Variants in NCS1 observed in about 807,000 individuals in gnomAD.
NCS1 encodes the protein frequenin homolog.
A neutral mutation model predicts 28.4 loss-of-function variants in NCS1; 6 were observed. The observed-to-expected ratio is 0.21, with a 90% confidence interval of 0.12 to 0.42. The LOEUF is 0.42. Ranked by LOEUF, NCS1 falls within the 10% of genes least tolerant of loss-of-function variation. NCS1 has a pLI of 1.00. For synonymous variants in NCS1, 86 were observed against 99.3 expected (o/e 0.87, Z 0.79); for missense variants, 131 against 241.4 (o/e 0.54, Z 3.03).
Position 130,186,880 on chromosome 9 carries a change from G to A in NCS1, c.65-14078G>A, listed in dbSNP as rs1832745308. Among the ~76,000 whole-genome samples the A allele has an allele frequency of 1.3e-5, 2 of 152,228 alleles. No individual in the cohort carries two copies. Among genetic ancestry groups the A allele is most frequent in the South Asian group, 4.1e-4 (2 of 4,834 alleles). On this transcript the variant is annotated intron_variant, in intron 1 of 7. Coordinates refer to ENST00000372398, the MANE Select transcript of NCS1 (RefSeq NM_014286.4). This position sits in a 1 kb window ranked among gnomAD's most constrained non-coding sequence, Gnocchi z 4.1. Reference sequence around the variant, plus strand: ...GGAGGGCCCGTGCTGTGCTCAGCCTGGCTCCAAGCACGAGGGGCACTGACG... The same window carrying A: ...GGAGGGCCCGTGCTGTGCTCAGCCTAGCTCCAAGCACGAGGGGCACTGACG...
chr9:130,224,037 G>C (rs900859703), intron 6 of NCS1, among the ~76,000 whole-genome samples: 2 of 151,496 alleles, frequency 1.3e-5, no homozygotes, highest in Non-Finnish European at 2.9e-5. Context: ...TAGTAGAGAC[G>C]GGATTTCACC....
At position 130,233,147 on chromosome 9, in the gene NCS1, C is replaced by T. The variant is rs1382039943; in HGVS notation, c.*175C>T. Reference sequence around the variant, plus strand: ...TCCTCTCCCCTGTCCTGCACCCATCCCCCGCCTGAAGCCACCGGCTCCAAT... The same window carrying T: ...TCCTCTCCCCTGTCCTGCACCCATCTCCCGCCTGAAGCCACCGGCTCCAAT... On this transcript the variant is annotated 3_prime_UTR_variant, in exon 8 of 8. Coordinates refer to ENST00000372398, the MANE Select transcript of NCS1 (RefSeq NM_014286.4). The surrounding 1 kb of genome is among the most constrained non-coding windows in gnomAD (Gnocchi z 4.8). 1 of 152,768 alleles carries T rather than the reference C, an allele frequency of 6.5e-6. No individual in the cohort carries two copies. The highest frequency in any genetic ancestry group is 1.5e-5 in the Non-Finnish European group (1 of 68,262). The allele number at this position is 152,768 out of a possible 1,614,324, so 9.5% of individuals were successfully genotyped here. A position where few individuals can be genotyped will look rare whatever the true frequency, so the allele number is the denominator to read the frequency against.
At chr9:130,227,729 A>G (rs1407014817) in intron 7 of NCS1, among the ~76,000 whole-genome samples, 2 of 152,332 alleles carry the variant, frequency 1.3e-5, no homozygotes, top group East Asian at 3.9e-4. Flanking sequence ...TTAGTTATCC[A>G]TTGCTACATA....
At position 130,236,245 on chromosome 9, in the gene NCS1, C is replaced by G. The variant is rs1554913054; in HGVS notation, c.*3273C>G. ...TCTGGAAAAAGCCTCCATTGCCCAC[C>G]CGCCAGGCGGAAAGTCACCCTGTTC... is the stretch of plus-strand genomic sequence containing the variant. On this transcript the variant is annotated 3_prime_UTR_variant, in exon 8 of 8. Transcript: ENST00000372398. 6.6e-6 allele frequency: 1 copy of G among 152,184 alleles called. No individual in the cohort carries two copies. Among genetic ancestry groups the G allele is most frequent in the African/African-American group, 2.4e-5 (1 of 41,420 alleles). 9.4% of individuals were successfully genotyped at this position (152,184 alleles called of 1,614,324 possible).
chr9:130,230,859 C>T (rs1022980164), intron 7 of NCS1, among the ~76,000 whole-genome samples: 1 of 147,538 alleles, frequency 6.8e-6, no homozygotes, highest in Non-Finnish European at 1.5e-5. Context: ...ATACTTAATC[C>T]ATTTCAAAAT....
At chr9:130,184,088 G>C (rs1043226400) in intron 1 of NCS1, among the ~76,000 whole-genome samples, 5 of 152,110 alleles carry the variant, frequency 3.3e-5, no homozygotes, top group Non-Finnish European at 7.4e-5. Context: ...GGGATTACAG[G>C]TGTGAGCCAC....
At position 130,236,286 on chromosome 9, in the gene NCS1, C is replaced by G. The variant is rs1168534348; in HGVS notation, c.*3314C>G. 1 of 152,152 alleles carries G rather than the reference C, an allele frequency of 6.6e-6. No individual in the cohort carries two copies. Among genetic ancestry groups the G allele is most frequent in the Non-Finnish European group, 1.5e-5 (1 of 68,040 alleles). The allele number at this position is 152,152 out of a possible 1,614,324, so 9.4% of individuals were successfully genotyped here. On this transcript the variant is annotated 3_prime_UTR_variant, in exon 8 of 8. Coordinates refer to ENST00000372398, the MANE Select transcript of NCS1 (RefSeq NM_014286.4). The stretch of plus-strand genomic sequence containing the variant: ...CACCCTGTTCCCAGCGCGGTTTCAG[C>G]ATTTAATTTTAAGGGAGCTAAGGAA...
chr9:130,221,401 TATATATATATATAGAGAGAGAGAG>T (rs1263446571), intron 4 of NCS1, among the ~76,000 whole-genome samples: 30 of 45,066 alleles, frequency 6.7e-4, no homozygotes, highest in East Asian at 2.0e-3. Context: ...TATATATATA[TATATATATATATAGAGAGAGAGAG>T]AGAGAGAGAG....
chr9:130,172,774 C>CCCACCG (rs781934389), intron 1 of NCS1, 47 bp downstream of exon 1: 1 of 1,047,080 alleles, frequency 9.6e-7, no homozygotes, highest in South Asian at 2.0e-5. Context: ...CACCCCCACA[C>CCCACCG]CCACCGCCCC....
At chr9:130,211,650 C>G (rs944267334) in intron 2 of NCS1, among the ~76,000 whole-genome samples, 3 of 152,046 alleles carry the variant, frequency 2.0e-5, no homozygotes, top group African/African-American at 7.2e-5. Flanking sequence ...GTACCGAGCA[C>G]AGAGGCAGCT....
chr9:130,207,092 C>T (rs1459283006), intron 2 of NCS1, among the ~76,000 whole-genome samples: 1 of 152,228 alleles, frequency 6.6e-6, no homozygotes, highest in African/African-American at 2.4e-5. Flanking sequence ...CTCCCCCAGA[C>T]AGCAGATCCT....
chr9:130,203,136 A>ATATATATTTTT (rs1471670630), intron 2 of NCS1, among the ~76,000 whole-genome samples: 1 of 108,456 alleles, frequency 9.2e-6, no homozygotes, highest in African/African-American at 3.5e-5. Context: ...ATATATATAT[A>ATATATATTTTT]TTTTTTTTTT....
At chr9:130,214,660 G>C (rs571706608) in intron 2 of NCS1, among the ~76,000 whole-genome samples, 6 of 152,332 alleles carry the variant, frequency 3.9e-5, no homozygotes, top group Non-Finnish European at 5.9e-5. Context: ...GGAGGGGCCA[G>C]GGGACAGGTC....
chr9:130,212,683 A>T, intron 2 of NCS1, among the ~76,000 whole-genome samples: 1 of 150,468 alleles, frequency 6.6e-6, no homozygotes, highest in South Asian at 2.1e-4. Context: ...GCAGGAGGGG[A>T]GGGAGGAGGT....
Position 130,186,171 on chromosome 9 carries a change from G to A in NCS1, c.64+13444G>A, listed in dbSNP as rs532303694. On this transcript the variant is annotated intron_variant, in intron 1 of 7. Transcript: ENST00000372398. This position sits in a 1 kb window ranked among gnomAD's most constrained non-coding sequence, Gnocchi z 4.1. Reference sequence around the variant, plus strand: ...AGAATGTTTATGGAACAGCTGCCTCGTGTTAGGCCCTGCGGATGCTGGGGC... The same window carrying A: ...AGAATGTTTATGGAACAGCTGCCTCATGTTAGGCCCTGCGGATGCTGGGGC... Among the ~76,000 whole-genome samples, 31 of 152,338 alleles carry A rather than the reference G, an allele frequency of 2.0e-4. No individual in the cohort carries two copies. Among genetic ancestry groups the A allele is most frequent in the Non-Finnish European group, 3.1e-4 (21 of 68,036 alleles).
At chr9:130,199,971 C>T (rs1376601248) in intron 1 of NCS1, among the ~76,000 whole-genome samples, 9 of 152,230 alleles carry the variant, frequency 5.9e-5, no homozygotes, top group African/African-American at 1.9e-4. Context: ...TACGCCGTAC[C>T]CTTTGCCAAA....
intron 1 of NCS1, among the ~76,000 whole-genome samples, chr9:130,185,253 G>A (rs1186352068): frequency 1.3e-5 from 2 of 152,252 alleles, no homozygotes; most frequent in Non-Finnish European, 1.5e-5. Context: ...GCATGACTGC[G>A]TCTCGTTGCG....
At chr9:130,210,126 C>T (rs1471800828) in intron 2 of NCS1, among the ~76,000 whole-genome samples, 1 of 152,076 alleles carries the variant, frequency 6.6e-6, no homozygotes, top group Non-Finnish European at 1.5e-5. Flanking sequence ...CCCGGCCAGG[C>T]GCGATGGCTC....
At chr9:130,185,549 G>T (rs1346818841) in intron 1 of NCS1, among the ~76,000 whole-genome samples, 1 of 152,204 alleles carries the variant, frequency 6.6e-6, no homozygotes, top group Non-Finnish European at 1.5e-5. Context: ...TGCTGGGGCT[G>T]GGGAGTTGAG....
Sources: gnomAD v4.1 joint callset for allele counts (sites outside exome capture counted in the v4.1 genomes callset) on GRCh38, gnomAD v4.1.1 for gene constraint, Gnocchi (gnomAD v3.1) non-coding constraint, MANE v1.5 for transcripts, NCBI Gene and HGNC (gene_info 2026-07-23, HGNC 2026-07-21) for gene names.